TFCP2: variants seen among roughly 807,000 people sequenced by gnomAD.
TFCP2 encodes transcription factor CP2, also known as alpha-globin transcription factor CP2.
Under a neutral mutation model 73.4 loss-of-function variants are expected in TFCP2, and 33 were observed. The ratio of observed to expected loss-of-function variants is 0.45; its 90% confidence interval spans 0.34 to 0.60. The LOEUF (loss-of-function observed/expected upper bound fraction) is 0.60, where lower values mean the gene tolerates loss of function less well. Among genes scored for constraint, TFCP2 ranks in the 20% least tolerant of loss-of-function variants. TFCP2 has a pLI of 0.01. For missense variants in TFCP2, 352 were observed against 604.0 expected, an observed-to-expected ratio of 0.58 and a Z score of 4.37; for synonymous variants, 193 against 211.6, an observed-to-expected ratio of 0.91 and a Z score of 0.76.
At chr12:51,117,049 G>A (rs975380008) in intron 3 of TFCP2, among the ~76,000 whole-genome samples, 3 of 152,056 alleles carry the variant, frequency 2.0e-5, no homozygotes, top group Non-Finnish European at 2.9e-5. Context: ...GTTATACCAC[G>A]GCCTATCTGG....
chr12:51,166,925 T>C (rs537140852), intron 1 of TFCP2, among the ~76,000 whole-genome samples: 3 of 152,316 alleles, frequency 2.0e-5, no homozygotes, highest in African/African-American at 7.2e-5. Context: ...CAAACAATTT[T>C]AGAACATTTT....
rs770511238 is a variant in TFCP2, at chr12:51,117,841, TATA to T, written c.275-97_275-95del. ...ATTCAGTTGGTTGAATATACAACAG[TATA>T]ATAATATTATTAGTATTAGTAACAA... On this transcript the variant is annotated intron_variant, in intron 2 of 14. Transcript: ENST00000257915. The T allele has an allele frequency of 2.2e-4, 163 of 726,270 alleles. 2 individuals carry two copies. The South Asian group carries it at 2.5e-3, about 11-fold the overall frequency. 45.0% of individuals were successfully genotyped at this position (726,270 alleles called of 1,614,324 possible).
intron 10 of TFCP2, among the ~76,000 whole-genome samples, chr12:51,102,515 C>T (rs1299715651): frequency 6.6e-6 from 1 of 152,040 alleles, no homozygotes; most frequent in Non-Finnish European, 1.5e-5. Flanking sequence ...CATTTGAGGT[C>T]AGGAGTTCGA....
At chr12:51,116,186 A>T (rs1333261663) in intron 4 of TFCP2, 129 bp downstream of exon 4, 1 of 435,050 alleles carries the variant, frequency 2.3e-6, no homozygotes, top group Non-Finnish European at 4.1e-6. Flanking sequence ...TATGCTTAGT[A>T]AATAATTTCA....
intron 1 of TFCP2, among the ~76,000 whole-genome samples, chr12:51,159,005 TCCAAAA>T (rs1565578826): frequency 2.9e-5 from 3 of 104,414 alleles, no homozygotes; most frequent in Admixed American, 1.2e-4. Context: ...CTACTAAAAA[TCCAAAA>T]AAAAAAAAAA....
At chr12:51,150,589 C>T (rs148500290) in intron 1 of TFCP2, among the ~76,000 whole-genome samples, 53 of 152,070 alleles carry the variant, frequency 3.5e-4, no homozygotes, top group African/African-American at 1.2e-3. Context: ...AGAACAGTAA[C>T]AACTGACCAA....
chr12:51,167,619 C>A (rs762515795), intron 1 of TFCP2, among the ~76,000 whole-genome samples: 1 of 152,130 alleles, frequency 6.6e-6, no homozygotes, highest in Non-Finnish European at 1.5e-5. Context: ...TCTTGAACTC[C>A]TGACCTCAAG....
intron 1 of TFCP2, 64 bp downstream of exon 1, chr12:51,172,237 T>TTA: frequency 6.3e-7 from 1 of 1,595,836 alleles, no homozygotes. Flanking sequence ...ACTCAACCCC[T>TTA]TTTCTTAGTG....
chr12:51,107,752 G>A lies in TFCP2; in HGVS notation c.718-406C>T, dbSNP rs540729375. On this transcript the variant is annotated intron_variant, in intron 6 of 14. Transcript: ENST00000257915. Reference sequence around the variant, plus strand: ...CTCCCCAGTAGCTGGGACTACAGGCGTCCGCCACCACACCCAGCTAATTTT... The same window carrying A: ...CTCCCCAGTAGCTGGGACTACAGGCATCCGCCACCACACCCAGCTAATTTT... Among the ~76,000 whole-genome samples the A allele has an allele frequency of 5.9e-4, 89 of 151,778 alleles. 1 individual carries two copies. Among genetic ancestry groups the A allele is most frequent in the African/African-American group, 2.0e-3 (82 of 41,412 alleles).
intron 13 of TFCP2, among the ~76,000 whole-genome samples, chr12:51,098,303 A>C (rs932070831): frequency 3.3e-5 from 5 of 152,202 alleles, no homozygotes; most frequent in Admixed American, 1.3e-4. Flanking sequence ...AAGTCAACCT[A>C]AAAATGTGCA....
intron 1 of TFCP2, among the ~76,000 whole-genome samples, chr12:51,120,648 G>T (rs551134269): frequency 1.2e-4 from 18 of 152,164 alleles, no homozygotes; most frequent in Non-Finnish European, 1.9e-4. Flanking sequence ...ATAAAAGAGG[G>T]CTAGGTGTGG....
At chr12:51,165,980 C>G (rs964897836) in intron 1 of TFCP2, among the ~76,000 whole-genome samples, 3 of 152,172 alleles carry the variant, frequency 2.0e-5, no homozygotes, top group Non-Finnish European at 4.4e-5. Flanking sequence ...CCACTGCACT[C>G]CAGCCTGGGC....
At chr12:51,169,893 A>T (rs960747510) in intron 1 of TFCP2, among the ~76,000 whole-genome samples, 6 of 152,146 alleles carry the variant, frequency 3.9e-5, no homozygotes, top group African/African-American at 1.4e-4. Context: ...TTTGTAAAGA[A>T]CTCTTAATTA....
chr12:51,164,488 T>C (rs905709182), intron 1 of TFCP2, among the ~76,000 whole-genome samples: 1 of 150,584 alleles, frequency 6.6e-6, no homozygotes, highest in African/African-American at 2.4e-5. Flanking sequence ...TCCCAGCTAC[T>C]GGAGAGGCTG....
rs116867355 is a variant in TFCP2, at chr12:51,155,968, G to C, written c.122+16333C>G. Among the ~76,000 whole-genome samples the C allele has an allele frequency of 5.5e-4, 83 of 151,728 alleles. 1 individual carries two copies. In the East Asian group the frequency reaches 0.014, roughly 26 times the overall value. On this transcript the variant is annotated intron_variant, in intron 1 of 14. Coordinates refer to ENST00000257915, the MANE Select transcript of TFCP2 (RefSeq NM_005653.5). Reference sequence around the variant, plus strand: ...TTGGCACGAGATTCATTTGAACCCAGGAGGCCCAGGCTGCAGTGAGCCAAG... The same window carrying C: ...TTGGCACGAGATTCATTTGAACCCACGAGGCCCAGGCTGCAGTGAGCCAAG...
chr12:51,111,264 C>T (rs1010054455), intron 4 of TFCP2, among the ~76,000 whole-genome samples: 1 of 152,086 alleles, frequency 6.6e-6, no homozygotes, highest in African/African-American at 2.4e-5. Flanking sequence ...CTGCCTCTGC[C>T]TCCTGAGTAG....
rs139847658 is a variant in TFCP2, at chr12:51,138,653, T to A, written c.123-19881A>T. ...TTTCTTTTGAGACCAAGTTTCGCTC[T>A]GTTGCCCAGGCTGGAGTGCAATGGT... On this transcript the variant is annotated intron_variant, in intron 1 of 14. Coordinates refer to ENST00000257915, the MANE Select transcript of TFCP2 (RefSeq NM_005653.5). Among the ~76,000 whole-genome samples the A allele has an allele frequency of 2.5e-3, 385 of 152,316 alleles. 7 individuals are homozygous for A. Among genetic ancestry groups the A allele is most frequent in the Admixed American group, 0.024 (365 of 15,292 alleles).
chr12:51,105,154 CATG>C (rs36054489), intron 8 of TFCP2, among the ~76,000 whole-genome samples: 23,042 of 151,386 alleles, frequency 0.15, 2,072 homozygotes, highest in South Asian at 0.26. Flanking sequence ...AGCGCAGTGG[CATG>C]ATGTCAGCTC....
chr12:51,117,509 A>G (rs951295087), intron 3 of TFCP2, among the ~76,000 whole-genome samples, 162 bp downstream of exon 3: 6 of 152,216 alleles, frequency 3.9e-5, no homozygotes, highest in Admixed American at 2.0e-4. Context: ...CTGACCCCAA[A>G]GAAATAACAC....
Sources: allele counts gnomAD v4.1 joint callset (sites outside exome capture counted in the v4.1 genomes callset), GRCh38; gene constraint gnomAD v4.1.1; transcripts MANE v1.5; gene names NCBI Gene and HGNC (gene_info 2026-07-23, HGNC 2026-07-21).